Variants in CADPS2 observed in about 807,000 individuals in gnomAD.
The protein encoded by CADPS2 is calcium dependent secretion activator 2, also known as calcium-dependent secretion activator 2.
Under a neutral mutation model 172.5 loss-of-function variants are expected in CADPS2, and 93 were observed. The ratio of observed to expected loss-of-function variants is 0.54; its 90% CI spans 0.46 to 0.64. The LOEUF (loss-of-function observed/expected upper bound fraction) is 0.64. Among genes scored for constraint, CADPS2 ranks in the 30% least tolerant of loss-of-function variants. The pLI is 0.00. For missense variants in CADPS2, 1,420 were observed against 1,565.9 expected (o/e 0.91, Z 1.57); for synonymous variants, 546 against 555.2 (o/e 0.98, Z 0.23).
intron 11 of CADPS2, among the ~76,000 whole-genome samples, chr7:122,488,438 C>T (rs1045542719): frequency 7.2e-5 from 11 of 152,212 alleles, no homozygotes; most frequent in Non-Finnish European, 1.6e-4. Context: ...CAACAAGTTA[C>T]TATGTACCAC....
chr7:122,451,161 G>T (rs943570096), intron 15 of CADPS2, among the ~76,000 whole-genome samples: 1 of 152,038 alleles, frequency 6.6e-6, no homozygotes, highest in Non-Finnish European at 1.5e-5. Context: ...GGATATTGTA[G>T]GGGGAATGGC....
At chr7:122,575,176 A>G (rs1342507041) in intron 7 of CADPS2, among the ~76,000 whole-genome samples, 1 of 145,600 alleles carries the variant, frequency 6.9e-6, no homozygotes, top group Non-Finnish European at 1.5e-5. Flanking sequence ...TTATAATAAA[A>G]GTAAAAAAAA....
intron 12 of CADPS2, chr7:122,480,197 AAAAG>A: frequency 2.2e-6 from 1 of 460,192 alleles, no homozygotes; most frequent in Non-Finnish European, 4.5e-6. Flanking sequence ...GTCAAAGAAA[AAAAG>A]AAGTGGAATA....
At chr7:122,683,583 A>AT (rs979583515) in intron 2 of CADPS2, among the ~76,000 whole-genome samples, 9 of 151,726 alleles carry the variant, frequency 5.9e-5, no homozygotes, top group Non-Finnish European at 8.8e-5. Context: ...TTCTCAACAT[A>AT]TTTTTTTTAA....
chr7:122,837,850 A>AC (rs1233414710), intron 1 of CADPS2, among the ~76,000 whole-genome samples: 4 of 152,234 alleles, frequency 2.6e-5, no homozygotes, highest in African/African-American at 9.6e-5. Context: ...TAACAGAGGT[A>AC]CAAGGAGGAG....
At chr7:122,565,231 TA>T (rs11304570) in intron 7 of CADPS2, among the ~76,000 whole-genome samples, 15,560 of 142,282 alleles carry the variant, frequency 0.11, 886 homozygotes, top group East Asian at 0.26. Context: ...TTTATAGAAT[TA>T]AAAAAAAAAA....
intron 7 of CADPS2, among the ~76,000 whole-genome samples, chr7:122,568,257 A>G (rs952981957): frequency 1.3e-5 from 2 of 151,958 alleles, no homozygotes; most frequent in African/African-American, 2.4e-5. Context: ...TAACAACAAC[A>G]ATAACAACAA....
At chr7:122,783,555 A>T (rs1793308062) in intron 1 of CADPS2, among the ~76,000 whole-genome samples, 1 of 152,082 alleles carries the variant, frequency 6.6e-6, no homozygotes, top group Admixed American at 6.6e-5. Context: ...TGACACACAG[A>T]TATTCTGTTT....
chr7:122,416,761 C>T lies in CADPS2; in HGVS notation c.2477-597G>A, dbSNP rs572140775. ...TGTGGGGGAGGAAGGCAGAAGTGTT[C>T]TTTGAAGCTGAAGGTTCTTTCTGCA... is the stretch of plus-strand genomic sequence containing the variant. On this transcript the variant is annotated intron_variant, in intron 17 of 29. Coordinates refer to ENST00000449022, the MANE Select transcript of CADPS2 (RefSeq NM_017954.11). 2.0e-5 allele frequency among the ~76,000 whole-genome samples: 3 copies of T among 152,306 alleles called. No homozygotes were observed. The South Asian group carries it at 6.2e-4, about 32-fold the overall frequency.
intron 24 of CADPS2, among the ~76,000 whole-genome samples, chr7:122,379,889 T>C (rs2042787156): frequency 6.6e-6 from 1 of 152,148 alleles, no homozygotes; most frequent in Non-Finnish European, 1.5e-5. Context: ...AGAAATAAAA[T>C]GAGCTCCCAA....
intron 8 of CADPS2, among the ~76,000 whole-genome samples, chr7:122,548,159 G>T (rs555742020): frequency 6.6e-6 from 1 of 152,104 alleles, no homozygotes; most frequent in South Asian, 2.1e-4. Context: ...CCTGAGTCCA[G>T]GAGTTCAAGA....
At chr7:122,592,204 A>G (rs1442395621) in intron 6 of CADPS2, among the ~76,000 whole-genome samples, 1 of 152,222 alleles carries the variant, frequency 6.6e-6, no homozygotes, top group Non-Finnish European at 1.5e-5. Flanking sequence ...TCTCAAAACA[A>G]GACATTTATG....
intron 9 of CADPS2, among the ~76,000 whole-genome samples, chr7:122,510,270 A>C (rs1277543100): frequency 1.3e-5 from 2 of 152,160 alleles, no homozygotes; most frequent in Non-Finnish European, 2.9e-5. Context: ...CCTTCATTAA[A>C]AAAAGAGGCC....
At chr7:122,610,705 A>C (rs552279697) in intron 6 of CADPS2, among the ~76,000 whole-genome samples, 1 of 152,300 alleles carries the variant, frequency 6.6e-6, no homozygotes, top group South Asian at 2.1e-4. Flanking sequence ...TAAATAAAAC[A>C]GAGAAGATTA....
intron 1 of CADPS2, among the ~76,000 whole-genome samples, chr7:122,763,838 C>T (rs546282895): frequency 1.1e-4 from 16 of 152,192 alleles, no homozygotes; most frequent in African/African-American, 3.9e-4. Flanking sequence ...CAGATGAGAT[C>T]GGGCGCATTC....
At chr7:122,629,414 G>C in intron 3 of CADPS2, 86 bp from the exon 4 acceptor site, 2 of 856,028 alleles carry the variant, frequency 2.3e-6, no homozygotes, top group Non-Finnish European at 3.4e-6. Context: ...CACAGACTAA[G>C]GCAAAGATTA....
chr7:122,570,525 A>G (rs2067099663), intron 7 of CADPS2, among the ~76,000 whole-genome samples: 1 of 148,500 alleles, frequency 6.7e-6, no homozygotes, highest in Non-Finnish European at 1.5e-5. Context: ...CAGCCATCCC[A>G]TTACTGGGTA....
chr7:122,366,995 T>C (rs1051886408), intron 25 of CADPS2: 13 of 152,118 alleles, frequency 8.5e-5, no homozygotes, highest in African/African-American at 2.7e-4. Flanking sequence ...CTTCCTTTCA[T>C]TGTTCCTCCA....
intron 1 of CADPS2, among the ~76,000 whole-genome samples, chr7:122,823,901 T>G (rs965269048): frequency 2.0e-5 from 3 of 152,050 alleles, no homozygotes; most frequent in Non-Finnish European, 2.9e-5. Flanking sequence ...TGTTCCTTGT[T>G]TTTTTAAAAA....
Sources: gnomAD v4.1 joint callset for allele counts (sites outside exome capture counted in the v4.1 genomes callset) on GRCh38, gnomAD v4.1.1 for gene constraint, MANE v1.5 for transcripts, NCBI Gene and HGNC (gene_info 2026-07-23, HGNC 2026-07-21) for gene names.